The following SLC35F1 variants were observed in gnomAD, a reference collection of about 807,000 sequenced individuals.
SLC35F1 encodes the protein solute carrier family 35 member F1, also known as chromosome 6 open reading frame 169.
SLC35F1 carries 14 observed loss-of-function variants against 48.7 expected under a neutral mutation model. That is an observed-to-expected ratio of 0.29 (90% CI 0.19 to 0.45). The LOEUF (loss-of-function observed/expected upper bound fraction) is 0.45. SLC35F1 is among the 20% of genes least tolerant of loss of function. SLC35F1 has a pLI of 1.00. For synonymous variants in SLC35F1, 190 were observed against 202.2 expected (o/e 0.94, Z 0.51); for missense variants, 404 against 500.0 (o/e 0.81, Z 1.83).
intron 1 of SLC35F1, among the ~76,000 whole-genome samples, chr6:118,080,111 C>A (rs375642376): frequency 1.3e-5 from 2 of 152,320 alleles, no homozygotes. Flanking sequence ...GCTCCAACTT[C>A]TTTCTTTCTG....
At chr6:118,293,980 G>C (rs17337979) in intron 7 of SLC35F1, among the ~76,000 whole-genome samples, 2 of 152,086 alleles carry the variant, frequency 1.3e-5, no homozygotes, top group African/African-American at 4.8e-5. Context: ...AAGTTATTTG[G>C]GCCAGTTACT....
chr6:117,993,088 C>A (rs1776941408), intron 1 of SLC35F1, among the ~76,000 whole-genome samples: 1 of 152,196 alleles, frequency 6.6e-6, no homozygotes, highest in Non-Finnish European at 1.5e-5. Context: ...TCAGAAGTTT[C>A]AACTGCCCTG....
intron 7 of SLC35F1, among the ~76,000 whole-genome samples, chr6:118,306,160 G>A (rs1240599722): frequency 1.3e-5 from 2 of 152,056 alleles, no homozygotes; most frequent in Non-Finnish European, 2.9e-5. Flanking sequence ...AGAAGCATGA[G>A]GAGCCCAAAA....
intron 1 of SLC35F1, among the ~76,000 whole-genome samples, chr6:118,048,743 G>T: frequency 6.6e-6 from 1 of 152,198 alleles, no homozygotes; most frequent in Non-Finnish European, 1.5e-5. Flanking sequence ...AACATTCCAT[G>T]CTCATGAGTA....
At chr6:117,934,679 TA>T (rs2114814913) in intron 1 of SLC35F1, among the ~76,000 whole-genome samples, 1 of 152,338 alleles carries the variant, frequency 6.6e-6, no homozygotes, top group Non-Finnish European at 1.5e-5. Flanking sequence ...CCATTATATT[TA>T]ATGGTTTCAT....
intron 4 of SLC35F1, 88 bp downstream of exon 4, chr6:118,267,242 G>A: frequency 6.8e-7 from 1 of 1,473,924 alleles, no homozygotes; most frequent in Non-Finnish European, 9.4e-7. Flanking sequence ...GTGAAAACAA[G>A]GACCTTAGGA....
chr6:118,020,314 A>G (rs1777376884), intron 1 of SLC35F1, among the ~76,000 whole-genome samples: 1 of 152,212 alleles, frequency 6.6e-6, no homozygotes, highest in Non-Finnish European at 1.5e-5. Flanking sequence ...CACCATTATT[A>G]GGACATACTG....
chr6:118,018,245 C>G (rs1777347858), intron 1 of SLC35F1, among the ~76,000 whole-genome samples: 1 of 152,064 alleles, frequency 6.6e-6, no homozygotes, highest in African/African-American at 2.4e-5. Context: ...GTGGCAGGCA[C>G]CTGTAATCCC....
rs1776270760 is a variant in SLC35F1, at chr6:117,944,586, T to TAAACACACACACACACACACACACAC, written c.173+36688_173+36689insAACACACACACACACACACACACACA. 3.4e-5 allele frequency among the ~76,000 whole-genome samples: 5 copies of TAAACACACACACACACACACACACAC among 146,388 alleles called. No individual in the cohort carries two copies. In the South Asian group the frequency reaches 1.1e-3, roughly 32 times the overall value. On this transcript the variant is annotated intron_variant, in intron 1 of 7. Transcript: ENST00000360388. The stretch of plus-strand genomic sequence containing the variant: ...ATCCCCCTCTCCCAAAACACACACA[T>TAAACACACACACACACACACACACAC]ACACATACACACACACACACACACA...
At chr6:118,010,371 G>A (rs1246611584) in intron 1 of SLC35F1, among the ~76,000 whole-genome samples, 3 of 152,090 alleles carry the variant, frequency 2.0e-5, no homozygotes, top group African/African-American at 4.8e-5. Context: ...CAATATTAAT[G>A]CACTGCAAGG....
At chr6:118,070,693 T>C (rs985582150) in intron 1 of SLC35F1, among the ~76,000 whole-genome samples, 1 of 151,200 alleles carries the variant, frequency 6.6e-6, no homozygotes, top group South Asian at 2.1e-4. Context: ...TGCTATTTCT[T>C]TTTTTTAAAT....
At chr6:118,191,304 A>G (rs1237623433) in intron 2 of SLC35F1, among the ~76,000 whole-genome samples, 1 of 152,232 alleles carries the variant, frequency 6.6e-6, no homozygotes, top group Non-Finnish European at 1.5e-5. Context: ...AAATAAAAGT[A>G]CACACAGTGG....
rs1261885381 is a variant in SLC35F1 at position 118,259,351 on chromosome 6, A to G, written c.478-7644A>G. Among the ~76,000 whole-genome samples the G allele has an allele frequency of 2.6e-5, 4 of 151,956 alleles. No homozygotes were observed. In the East Asian group the frequency reaches 7.7e-4, roughly 29 times the overall value. On this transcript the variant is annotated intron_variant, in intron 3 of 7. Transcript: ENST00000360388. ...ATGCATCAAGAGTTTTTAAAAGTGT[A>G]TACTCTTTAGACCTATCATTTCATG...
In SLC35F1 at chr6:117,996,804, T is replaced by C. The variant is rs868275375; in HGVS notation, c.173+88905T>C. On this transcript the variant is annotated intron_variant, in intron 1 of 7. Coordinates refer to ENST00000360388, the MANE Select transcript of SLC35F1 (RefSeq NM_001029858.4). ...TGTACATCACCATCATCAAAGTAGA[T>C]AAAACCACAAAGATGGGGAAAAAAC... Among the ~76,000 whole-genome samples, 60 of 152,008 alleles carry C rather than the reference T, an allele frequency of 3.9e-4. No individual in the cohort carries two copies. In the Middle Eastern group the frequency reaches 0.01, roughly 26 times the overall value.
intron 1 of SLC35F1, among the ~76,000 whole-genome samples, chr6:118,143,201 G>A (rs1044983888): frequency 3.9e-5 from 6 of 152,100 alleles, no homozygotes; most frequent in Admixed American, 3.3e-4. Flanking sequence ...CGATCCACTT[G>A]CATACTTTCT....
At chr6:117,910,287 G>A (rs1003917146) in intron 1 of SLC35F1, among the ~76,000 whole-genome samples, 1 of 152,172 alleles carries the variant, frequency 6.6e-6, no homozygotes, top group East Asian at 1.9e-4. Flanking sequence ...CTTGGATGTG[G>A]CTCCCCTCTG....
intron 1 of SLC35F1, among the ~76,000 whole-genome samples, chr6:118,146,931 T>C (rs903220584): frequency 6.6e-6 from 1 of 152,220 alleles, no homozygotes; most frequent in Non-Finnish European, 1.5e-5. Context: ...GATCAGTATC[T>C]TCTAAAAGTA....
At chr6:117,932,600 C>T (rs1776116570) in intron 1 of SLC35F1, among the ~76,000 whole-genome samples, 1 of 152,200 alleles carries the variant, frequency 6.6e-6, no homozygotes, top group African/African-American at 2.4e-5. Flanking sequence ...GGCTTTTCTT[C>T]TGGATGACCA....
At chr6:118,312,300 G>A (rs975170942) in intron 7 of SLC35F1, among the ~76,000 whole-genome samples, 12 of 152,322 alleles carry the variant, frequency 7.9e-5, no homozygotes, top group African/African-American at 2.9e-4. Flanking sequence ...TTCATTCACC[G>A]AAGTTTAAGG....
Sources: allele counts gnomAD v4.1 joint callset (sites outside exome capture counted in the v4.1 genomes callset), GRCh38; gene constraint gnomAD v4.1.1; transcripts MANE v1.5; gene names NCBI Gene and HGNC (gene_info 2026-07-23, HGNC 2026-07-21).